The following MYO16 variants were observed in gnomAD, a reference collection of about 807,000 sequenced individuals.
The protein encoded by MYO16 is unconventional myosin-XVI.
In MYO16, 94 loss-of-function variants were observed where a neutral mutation model predicts 205.3. The observed-to-expected ratio is 0.46, with a 90% CI of 0.39 to 0.54. The LOEUF (loss-of-function observed/expected upper bound fraction) is 0.54. Ranked by LOEUF, MYO16 falls within the 20% of genes least tolerant of loss-of-function variation. MYO16 has a pLI of 0.00. For missense variants in MYO16, 2,315 were observed against 2,387.5 expected, an observed-to-expected ratio of 0.97 and a Z score of 0.63; for synonymous variants, 988 against 954.0, an observed-to-expected ratio of 1.04 and a Z score of -0.66.
At chr13:108,971,638 A>G (rs916073929) in intron 20 of MYO16, among the ~76,000 whole-genome samples, 19 of 151,832 alleles carry the variant, frequency 1.3e-4, no homozygotes, top group African/African-American at 4.3e-4. Flanking sequence ...TATGGAGATC[A>G]TTTTTTCACT....
chr13:108,594,857 G>A (rs1462212909), upstream of MYO16, among the ~76,000 whole-genome samples: 1 of 152,156 alleles, frequency 6.6e-6, no homozygotes, highest in Non-Finnish European at 1.5e-5. Context: ...GGAAATGAGT[G>A]TGAACCAGTC....
intron 23 of MYO16, among the ~76,000 whole-genome samples, chr13:109,023,229 TATACA>T (rs1886161308): frequency 8.9e-6 from 1 of 111,778 alleles, no homozygotes; most frequent in South Asian, 2.7e-4. Context: ...ATTTATATAT[TATACA>T]GATATAAATA....
the MYO16 span, among the ~76,000 whole-genome samples, chr13:108,572,327 AC>A: frequency 6.6e-6 from 1 of 152,078 alleles, no homozygotes; most frequent in Non-Finnish European, 1.5e-5. Flanking sequence ...TCTCCCACTA[AC>A]CTTTGGGTAT....
chr13:108,986,489 G>T (rs973860046), intron 20 of MYO16, among the ~76,000 whole-genome samples: 1 of 151,782 alleles, frequency 6.6e-6, no homozygotes, highest in Non-Finnish European at 1.5e-5. Flanking sequence ...GTGTGTGGTG[G>T]CACATGCTTT....
At position 108,796,896 on chromosome 13, in the gene MYO16, G is replaced by A. The variant is rs542307855; in HGVS notation, c.741+3256G>A. Among the ~76,000 whole-genome samples the A allele has an allele frequency of 2.6e-5, 4 of 151,290 alleles. No individual in the cohort carries two copies. The East Asian group carries it at 7.8e-4, about 29-fold the overall frequency. On this transcript the variant is annotated intron_variant, in intron 6 of 34. Transcript: ENST00000457511. The stretch of plus-strand genomic sequence containing the variant: ...TAACAAACCTGCACGTTGTGCACAT[G>A]TACCCTAAAACTTAAAGTATAATTT...
chr13:108,955,153 A>G (rs946352223), intron 16 of MYO16, among the ~76,000 whole-genome samples: 1 of 152,222 alleles, frequency 6.6e-6, no homozygotes, highest in African/African-American at 2.4e-5. Context: ...ACCAGCCTTC[A>G]GGGTCATGTT....
intron 1 of MYO16, among the ~76,000 whole-genome samples, chr13:108,654,754 T>C (rs934700490): frequency 2.6e-5 from 4 of 152,210 alleles, no homozygotes; most frequent in African/African-American, 7.2e-5. Flanking sequence ...AGGTCCAGGC[T>C]GAGGTGGTCT....
intron 20 of MYO16, among the ~76,000 whole-genome samples, chr13:108,985,566 G>A (rs1179764921): frequency 2.0e-5 from 3 of 152,104 alleles, no homozygotes; most frequent in East Asian, 1.9e-4. Flanking sequence ...GGAAAAATAC[G>A]GCGGTCAGTG....
In MYO16 at chr13:109,207,006, T is replaced by TTG. The variant is rs1379758230; in HGVS notation, c.*185_*186dup. 6.0e-3 allele frequency: 1,687 copies of TTG among 282,832 alleles called. 10 individuals are homozygous for TTG. Among genetic ancestry groups the TTG allele is most frequent in the African/African-American group, 0.045 (1,149 of 25,366 alleles). 17.5% of individuals were successfully genotyped at this position (282,832 alleles called of 1,614,324 possible). ...AGATCCCGTGTGTGTGTGTGTGTGTTTGTGTGTGTGTGTGTGGGTTCTTTC... is the reference window on the plus strand; with the variant it reads ...AGATCCCGTGTGTGTGTGTGTGTGTTTGTGTGTGTGTGTGTGTGGGTTCTTTC... On this transcript the variant is annotated 3_prime_UTR_variant, in exon 35 of 35. Transcript: ENST00000457511.
chr13:108,641,700 C>T (rs935692152), intron 1 of MYO16, among the ~76,000 whole-genome samples: 1 of 152,178 alleles, frequency 6.6e-6, no homozygotes, highest in Non-Finnish European at 1.5e-5. Context: ...GAACCCCTTC[C>T]ACACAGCACT....
chr13:108,654,099 G>A (rs1008786421), intron 1 of MYO16, among the ~76,000 whole-genome samples: 6 of 149,510 alleles, frequency 4.0e-5, no homozygotes, highest in Non-Finnish European at 7.4e-5. Flanking sequence ...CTTATGGGAT[G>A]GGGTTAGGGT....
chr13:108,516,894 C>CTT, the MYO16 span, among the ~76,000 whole-genome samples: 2 of 151,582 alleles, frequency 1.3e-5, no homozygotes, highest in Non-Finnish European at 2.9e-5. Flanking sequence ...ATTTTGTTTT[C>CTT]TTTTTTTTCT....
the MYO16 span, among the ~76,000 whole-genome samples, chr13:108,549,127 T>C: frequency 6.6e-6 from 1 of 152,222 alleles, no homozygotes; most frequent in Non-Finnish European, 1.5e-5. Context: ...AAGATGTCCA[T>C]GTCTTGATCC....
chr13:109,056,802 C>A (rs529883896), intron 27 of MYO16, among the ~76,000 whole-genome samples: 4 of 151,702 alleles, frequency 2.6e-5, no homozygotes, highest in Non-Finnish European at 5.9e-5. Flanking sequence ...CAGGGGTGGG[C>A]AAAAAGGAAA....
chr13:109,117,830 T>C (rs1875799356), intron 28 of MYO16, among the ~76,000 whole-genome samples: 1 of 152,184 alleles, frequency 6.6e-6, no homozygotes, highest in African/African-American at 2.4e-5. Flanking sequence ...GTTTTCAGAA[T>C]TCAAGACAAA....
intron 4 of MYO16, among the ~76,000 whole-genome samples, chr13:108,765,929 A>G (rs9301316): frequency 0.069 from 10,462 of 152,260 alleles, 626 homozygotes; most frequent in East Asian, 0.24. Context: ...TTCAACTGCT[A>G]TAAGATTTTA....
intron 15 of MYO16, among the ~76,000 whole-genome samples, chr13:108,908,039 GT>G (rs1378610013): frequency 2.0e-5 from 3 of 152,038 alleles, no homozygotes; most frequent in Non-Finnish European, 4.4e-5. Context: ...AACAGAAAAT[GT>G]TTTCAGCAAA....
chr13:108,805,199 A>G (rs906202199), intron 6 of MYO16, among the ~76,000 whole-genome samples: 16 of 152,212 alleles, frequency 1.1e-4, no homozygotes, highest in Admixed American at 3.9e-4. Context: ...TAAAATACTT[A>G]TGGATATATC....
intron 8 of MYO16, 130 bp downstream of exon 8, chr13:108,820,542 G>A (rs1489527189): frequency 4.2e-6 from 3 of 714,466 alleles, no homozygotes; most frequent in Non-Finnish European, 7.2e-6. Flanking sequence ...GTAACAACCA[G>A]CCCAGTTCAA....
Sources: gnomAD v4.1 joint callset for allele counts (sites outside exome capture counted in the v4.1 genomes callset) on GRCh38, gnomAD v4.1.1 for gene constraint, MANE v1.5 for transcripts, NCBI Gene and HGNC (gene_info 2026-07-23, HGNC 2026-07-21) for gene names.